ANGPT1: variants seen among roughly 807,000 people sequenced by gnomAD.
ANGPT1 encodes the protein angiopoietin-1.
In ANGPT1, 17 loss-of-function variants were observed where a neutral mutation model predicts 62.2. The ratio of observed to expected loss-of-function variants is 0.27; its 90% confidence interval spans 0.19 to 0.41. ANGPT1 has a LOEUF of 0.41. Among genes scored for constraint, ANGPT1 ranks in the 10% least tolerant of loss-of-function variants. The pLI is 1.00. For missense variants in ANGPT1, 478 were observed against 594.9 expected (o/e 0.80, Z 2.04); for synonymous variants, 199 against 198.9 (o/e 1.00, Z 0.00).
In ANGPT1 at chr8:107,347,431, A is replaced by G. The variant is rs13438851; in HGVS notation, c.298-334T>C. Among the ~76,000 whole-genome samples, 1,343 of 152,300 alleles carry G rather than the reference A, an allele frequency of 8.8e-3. 28 individuals carry two copies. Among genetic ancestry groups the G allele is most frequent in the African/African-American group, 0.03 (1,251 of 41,562 alleles). ...CTTTATTGTTTTGTTTATTTTATAG[A>G]TGAAAAAATAGAATCAGAGAGGCCA... is the stretch of plus-strand genomic sequence containing the variant. On this transcript the variant is annotated intron_variant, in intron 1 of 8. Coordinates refer to ENST00000517746, the MANE Select transcript of ANGPT1 (RefSeq NM_001146.5).
At chr8:107,331,645 A>G (rs1815423379) in intron 3 of ANGPT1, among the ~76,000 whole-genome samples, 1 of 152,146 alleles carries the variant, frequency 6.6e-6, no homozygotes, top group South Asian at 2.1e-4. Context: ...TGTAAAATAG[A>G]AATAATAATA....
At chr8:107,402,742 A>T (rs1817070419) in intron 1 of ANGPT1, among the ~76,000 whole-genome samples, 1 of 152,178 alleles carries the variant, frequency 6.6e-6, no homozygotes, top group African/African-American at 2.4e-5. Flanking sequence ...CTTAATCTCT[A>T]AACCACTGCC....
chr8:107,323,865 C>T (rs995953215), intron 3 of ANGPT1, among the ~76,000 whole-genome samples: 3 of 152,018 alleles, frequency 2.0e-5, no homozygotes, highest in Admixed American at 6.6e-5. Context: ...CTGCAAGTTC[C>T]GCCTCCTGGG....
rs550325740 is a variant in ANGPT1, at chr8:107,348,203, C to T, written c.298-1106G>A. 3.9e-5 allele frequency among the ~76,000 whole-genome samples: 6 copies of T among 152,310 alleles called. No individual in the cohort carries two copies. In the East Asian group the frequency reaches 5.8e-4, roughly 15 times the overall value. On this transcript the variant is annotated intron_variant, in intron 1 of 8. Coordinates refer to ENST00000517746, the MANE Select transcript of ANGPT1 (RefSeq NM_001146.5). ...CAACCACTTGATAGCTATGACAAGT[C>T]GTGCTTCACAAGCCGGGTTCCAAAT...
intron 1 of ANGPT1, among the ~76,000 whole-genome samples, chr8:107,398,999 A>G (rs941351722): frequency 8.5e-5 from 13 of 152,200 alleles, no homozygotes; most frequent in Non-Finnish European, 1.9e-4. Flanking sequence ...ATGTGTTTAA[A>G]CCAAGCAAAC....
chr8:107,275,142 G>C (rs999332794), intron 7 of ANGPT1, among the ~76,000 whole-genome samples: 20 of 152,098 alleles, frequency 1.3e-4, no homozygotes, highest in Non-Finnish European at 2.9e-4. Flanking sequence ...TATTGTTGTT[G>C]CTCATATTTA....
intron 1 of ANGPT1, among the ~76,000 whole-genome samples, chr8:107,363,565 C>T (rs1816211661): frequency 6.6e-6 from 1 of 152,134 alleles, no homozygotes. Context: ...AGTTGCTTTC[C>T]CTCTCTGTGC....
chr8:107,285,723 A>AC (rs1814124830), intron 6 of ANGPT1, among the ~76,000 whole-genome samples: 1 of 152,026 alleles, frequency 6.6e-6, no homozygotes, highest in South Asian at 2.1e-4. Flanking sequence ...AAAAGAAAGA[A>AC]CCCCTAGAAA....
chr8:107,415,556 T>C (rs556633981), intron 1 of ANGPT1, among the ~76,000 whole-genome samples: 36 of 152,184 alleles, frequency 2.4e-4, no homozygotes, highest in Non-Finnish European at 4.0e-4. Context: ...AGATATCAAG[T>C]ATCTCTTATA....
chr8:107,275,311 A>G (rs1451295864), intron 7 of ANGPT1, among the ~76,000 whole-genome samples: 1 of 152,030 alleles, frequency 6.6e-6, no homozygotes, highest in Non-Finnish European at 1.5e-5. Flanking sequence ...GCTCATTATT[A>G]CCCCCTTACG....
intron 1 of ANGPT1, among the ~76,000 whole-genome samples, chr8:107,431,991 T>G (rs745972839): frequency 3.3e-5 from 5 of 152,298 alleles, no homozygotes; most frequent in Non-Finnish European, 5.9e-5. Flanking sequence ...CTCTGGCAAC[T>G]CAATTGAGCA....
chr8:107,270,651 A>T (rs193090929), intron 7 of ANGPT1, among the ~76,000 whole-genome samples: 2 of 152,106 alleles, frequency 1.3e-5, no homozygotes, highest in African/African-American at 4.8e-5. Flanking sequence ...CATCCTGGAG[A>T]TATATTCTAT....
intron 5 of ANGPT1, among the ~76,000 whole-genome samples, chr8:107,297,332 C>T (rs1399806902): frequency 6.6e-6 from 1 of 151,906 alleles, no homozygotes; most frequent in Non-Finnish European, 1.5e-5. Flanking sequence ...GCTACATTGC[C>T]TGAATTTAAA....
chr8:107,282,188 T>A lies in ANGPT1; in HGVS notation c.1205+2494A>T, dbSNP rs1405122923. ...CACCAGAGTAAGCATTATGTTTTAA[T>A]GAGTTCTCATTTCCCATTTCATGTC... is the stretch of plus-strand genomic sequence containing the variant. On this transcript the variant is annotated intron_variant, in intron 7 of 8. Transcript: ENST00000517746. Among the ~76,000 whole-genome samples the A allele has an allele frequency of 3.9e-5, 6 of 152,000 alleles. No homozygotes were observed. In the East Asian group the frequency reaches 7.7e-4, roughly 20 times the overall value.
At chr8:107,447,775 T>G (rs1037524998) in intron 1 of ANGPT1, among the ~76,000 whole-genome samples, 4 of 151,846 alleles carry the variant, frequency 2.6e-5, no homozygotes, top group African/African-American at 9.7e-5. Context: ...AGAGTAAGAG[T>G]GTGGAGTAAT....
At chr8:107,282,222 T>G (rs1022550634) in intron 7 of ANGPT1, among the ~76,000 whole-genome samples, 6 of 151,934 alleles carry the variant, frequency 3.9e-5, no homozygotes, top group African/African-American at 1.5e-4. Context: ...TCAACGTGAA[T>G]CGTATACTTG....
intron 1 of ANGPT1, among the ~76,000 whole-genome samples, chr8:107,447,045 C>T (rs1017453401): frequency 2.6e-5 from 4 of 152,168 alleles, no homozygotes; most frequent in Non-Finnish European, 4.4e-5. Context: ...ATAGCCAACG[C>T]CTCAAGAAAT....
chr8:107,273,274 G>A (rs1813782861), intron 7 of ANGPT1, among the ~76,000 whole-genome samples: 1 of 152,042 alleles, frequency 6.6e-6, no homozygotes, highest in Admixed American at 6.6e-5. Flanking sequence ...AGAGGAGAGG[G>A]TAAGCAAAAT....
intron 1 of ANGPT1, among the ~76,000 whole-genome samples, chr8:107,422,321 G>A (rs1810914720): frequency 6.6e-6 from 1 of 152,128 alleles, no homozygotes; most frequent in African/African-American, 2.4e-5. Flanking sequence ...GGATCAGAGA[G>A]TCTGAGCATG....
Sources: allele counts gnomAD v4.1 joint callset (sites outside exome capture counted in the v4.1 genomes callset), GRCh38; gene constraint gnomAD v4.1.1; transcripts MANE v1.5; gene names NCBI Gene and HGNC (gene_info 2026-07-23, HGNC 2026-07-21).